SLC6A15: variants seen among roughly 807,000 people sequenced by gnomAD.
SLC6A15 encodes the protein sodium-dependent neutral amino acid transporter B(0)AT2.
SLC6A15 carries 33 observed loss-of-function variants against 68.5 expected under a neutral mutation model. That is an observed-to-expected ratio of 0.48 (90% CI 0.37 to 0.64). The LOEUF is 0.64. Among genes scored for constraint, SLC6A15 ranks in the 30% least tolerant of loss-of-function variants. SLC6A15 has a pLI of 0.00. For missense variants in SLC6A15, 747 were observed against 874.3 expected (o/e 0.85, Z 1.84); for synonymous variants, 347 against 301.0 (o/e 1.15, Z -1.58).
At chr12:84,887,347 G>A (rs1872161628) in intron 2 of SLC6A15, among the ~76,000 whole-genome samples, 1 of 152,156 alleles carries the variant, frequency 6.6e-6, no homozygotes, top group South Asian at 2.1e-4. Flanking sequence ...TACATAGTGA[G>A]TAACTGTATT....
chr12:84,872,092 G>A (rs1427863852), intron 8 of SLC6A15, among the ~76,000 whole-genome samples: 1 of 151,728 alleles, frequency 6.6e-6, no homozygotes, highest in East Asian at 1.9e-4. Context: ...GGGAAGCAGA[G>A]GATGCAGTGA....
rs561089980 is a variant in SLC6A15 at position 84,879,796 on chromosome 12, T to C, written c.757-3189A>G. 6.1e-5 allele frequency among the ~76,000 whole-genome samples: 9 copies of C among 147,498 alleles called. No homozygotes were observed. The East Asian group carries it at 1.5e-3, about 25-fold the overall frequency. ...TCTTGTACACAATTCATTCATTGAA[T>C]TGTGGGTTCCATGAGGACAGACTGT... On this transcript the variant is annotated intron_variant, in intron 5 of 11. Transcript: ENST00000266682.
chr12:84,889,336 A>T (rs1872272484), intron 2 of SLC6A15, among the ~76,000 whole-genome samples: 1 of 151,834 alleles, frequency 6.6e-6, no homozygotes, highest in African/African-American at 2.4e-5. Context: ...CAAAAATACA[A>T]AAAATTAGCT....
In SLC6A15 at chr12:84,861,582, T is replaced by C. The variant is rs189587187; in HGVS notation, c.*50A>G. 1.1e-5 allele frequency: 17 copies of C among 1,541,378 alleles called. No homozygotes were observed. Among genetic ancestry groups the C allele is most frequent in the Middle Eastern group, 4.1e-4 (2 of 4,912 alleles). Reference sequence around the variant, plus strand: ...CTAATGCTTCTCCTACTAGGGCCAATGTTCATTGGTAAAAATGAACCAAAT... The same window carrying C: ...CTAATGCTTCTCCTACTAGGGCCAACGTTCATTGGTAAAAATGAACCAAAT... On this transcript the variant is annotated 3_prime_UTR_variant, in exon 12 of 12. Coordinates refer to ENST00000266682, the MANE Select transcript of SLC6A15 (RefSeq NM_182767.6).
chr12:84,874,669 A>C (rs1278701627), intron 6 of SLC6A15: 7 of 152,206 alleles, frequency 4.6e-5, no homozygotes, highest in Non-Finnish European at 1.5e-5. Context: ...TAACATATGC[A>C]CATTGTTTAC....
intron 2 of SLC6A15, 63 bp from the exon 3 acceptor site, chr12:84,886,131 G>T (rs1425556402): frequency 8.9e-7 from 1 of 1,126,794 alleles, no homozygotes; most frequent in Non-Finnish European, 1.3e-6. Context: ...CACTAGTTCA[G>T]TTTATCCCAT....
chr12:84,883,142 T>C (rs1871902912), intron 5 of SLC6A15: 1 of 974,244 alleles, frequency 1.0e-6, no homozygotes, highest in South Asian at 4.8e-5. Context: ...GAACAATGGC[T>C]GTGATAATGA....
chr12:84,882,027 A>G, intron 5 of SLC6A15: 2 of 982,340 alleles, frequency 2.0e-6, no homozygotes, highest in Non-Finnish European at 2.4e-6. Context: ...CATTTTCTAT[A>G]TAAATTTACA....
intron 5 of SLC6A15, chr12:84,881,370 G>C: frequency 1.2e-6 from 1 of 809,650 alleles, no homozygotes; most frequent in Non-Finnish European, 1.5e-6. Context: ...TTTGATCATA[G>C]TTTTGCTCTC....
intron 5 of SLC6A15, among the ~76,000 whole-genome samples, chr12:84,878,345 C>A (rs906528232): frequency 9.2e-5 from 14 of 152,142 alleles, no homozygotes; most frequent in African/African-American, 2.6e-4. Flanking sequence ...TTTTTTCATT[C>A]TCCCTGCGTA....
intron 5 of SLC6A15, among the ~76,000 whole-genome samples, chr12:84,878,141 C>A (rs1871645277): frequency 1.3e-5 from 2 of 152,142 alleles, no homozygotes; most frequent in African/African-American, 2.4e-5. Context: ...AAACACATGG[C>A]ACACCTTAAG....
In SLC6A15 at chr12:84,879,780, C is replaced by A. The variant is rs543521767; in HGVS notation, c.757-3173G>T. Among the ~76,000 whole-genome samples, 22 of 147,514 alleles carry A rather than the reference C, an allele frequency of 1.5e-4. 2 individuals carry two copies. The highest frequency in any genetic ancestry group is 4.0e-4 in the Admixed American group (6 of 14,890). On this transcript the variant is annotated intron_variant, in intron 5 of 11. Coordinates refer to ENST00000266682, the MANE Select transcript of SLC6A15 (RefSeq NM_182767.6). ...GAATTTAAGTTTTTCTTCTTGTACACAATTCATTCATTGAATTGTGGGTTC... is the reference window on the plus strand; with the variant it reads ...GAATTTAAGTTTTTCTTCTTGTACAAAATTCATTCATTGAATTGTGGGTTC...
In SLC6A15 at chr12:84,912,549, C is replaced by T. The variant is rs1320503309; in HGVS notation, c.-215G>A. The T allele has an allele frequency of 6.6e-6, 1 of 152,506 alleles. No homozygotes were observed. Among genetic ancestry groups the T allele is most frequent in the Non-Finnish European group, 1.5e-5 (1 of 68,302 alleles). The allele number at this position is 152,506 out of a possible 1,614,324, so 9.4% of individuals were successfully genotyped here. A position where few individuals can be genotyped will look rare whatever the true frequency, so the allele number is the denominator to read the frequency against. On this transcript the variant is annotated 5_prime_UTR_variant, in exon 1 of 12. Coordinates refer to ENST00000266682, the MANE Select transcript of SLC6A15 (RefSeq NM_182767.6). The stretch of plus-strand genomic sequence containing the variant: ...GTCAGTGTGTCTTGACCAAGCGCCT[C>T]TTGCTGCTTCCACGTCCGGGCAGCA...
intron 6 of SLC6A15, among the ~76,000 whole-genome samples, chr12:84,875,697 TATG>T (rs141271407): frequency 0.6 from 4,177 of 6,994 alleles, 1,347 homozygotes; most frequent in East Asian, 0.76. Context: ...TATATATATA[TATG>T]AGAATCAAAA....
rs1211442930 is a variant in SLC6A15, at chr12:84,896,055, G to A, written c.-188-3747C>T. 3.3e-5 allele frequency among the ~76,000 whole-genome samples: 5 copies of A among 152,314 alleles called. No homozygotes were observed. In the East Asian group the frequency reaches 9.7e-4, roughly 29 times the overall value. Reference sequence around the variant, plus strand: ...TGCTCGATAGGTCATATGGACAGTAGTGGAATCAGTATCAAGTAACAGCAC... The same window carrying A: ...TGCTCGATAGGTCATATGGACAGTAATGGAATCAGTATCAAGTAACAGCAC... On this transcript the variant is annotated intron_variant, in intron 1 of 11. Transcript: ENST00000266682.
chr12:84,903,164 A>T (rs937425859), intron 1 of SLC6A15, among the ~76,000 whole-genome samples: 1 of 152,170 alleles, frequency 6.6e-6, no homozygotes, highest in Non-Finnish European at 1.5e-5. Context: ...CATAAATTGG[A>T]GTATATTTTT....
chr12:84,861,466 C>G lies in SLC6A15; in HGVS notation c.*166G>C, dbSNP rs1870844502. 1 of 716,048 alleles carries G rather than the reference C, an allele frequency of 1.4e-6. No homozygotes were observed. The highest frequency in any genetic ancestry group is 2.2e-6 in the Non-Finnish European group (1 of 464,962). 44.4% of individuals were successfully genotyped at this position (716,048 alleles called of 1,614,324 possible). ...CTGCACAAATGTAAACCAAAGAATC[C>G]AAAAGAATGCTCAAGTTGAACTGAC... On this transcript the variant is annotated 3_prime_UTR_variant, in exon 12 of 12. Coordinates refer to ENST00000266682, the MANE Select transcript of SLC6A15 (RefSeq NM_182767.6).
At chr12:84,870,323 T>C (rs1208287857) in intron 9 of SLC6A15, among the ~76,000 whole-genome samples, 155 bp downstream of exon 9, 2 of 150,722 alleles carry the variant, frequency 1.3e-5, no homozygotes, top group African/African-American at 4.8e-5. Flanking sequence ...TAAAATAAAA[T>C]AAAATAAATT....
intron 5 of SLC6A15, among the ~76,000 whole-genome samples, 158 bp from the exon 6 acceptor site, chr12:84,876,765 A>G (rs1355772387): frequency 6.6e-6 from 1 of 152,216 alleles, no homozygotes; most frequent in Non-Finnish European, 1.5e-5. Context: ...AGAATGGTTT[A>G]TGAGTCGTGA....
Sources: gnomAD v4.1 joint callset for allele counts (sites outside exome capture counted in the v4.1 genomes callset) on GRCh38, gnomAD v4.1.1 for gene constraint, MANE v1.5 for transcripts, NCBI Gene and HGNC (gene_info 2026-07-23, HGNC 2026-07-21) for gene names.